Variants in CDK17 observed in about 807,000 individuals in gnomAD.
CDK17 encodes cyclin dependent kinase 17.
In CDK17, 24 loss-of-function variants were observed where a neutral mutation model predicts 77.6. That is an observed-to-expected ratio of 0.31 (90% CI 0.22 to 0.44). The LOEUF is 0.44. CDK17 is among the 20% of genes least tolerant of loss of function. CDK17 has a pLI of 1.00. For synonymous variants in CDK17, 203 were observed against 210.4 expected, an observed-to-expected ratio of 0.96 and a Z score of 0.30; for missense variants, 429 against 622.5, an observed-to-expected ratio of 0.69 and a Z score of 3.31.
At position 96,280,196 on chromosome 12, in the gene CDK17, T is replaced by C; in HGVS notation, c.*46A>G. On this transcript the variant is annotated 3_prime_UTR_variant, in exon 17 of 17. Transcript: ENST00000261211. ...ATTGCCTTCAGTTCTGAGTCCTTGA[T>C]TGGTAAGAAAGGCTGGGGGCTGGGC... 4 of 1,542,676 alleles carry C rather than the reference T, an allele frequency of 2.6e-6. No homozygotes were observed. Among genetic ancestry groups the C allele is most frequent in the East Asian group, 4.9e-5 (2 of 40,698 alleles).
In CDK17 at chr12:96,400,384, G is replaced by A; in HGVS notation, c.-428C>T. On this transcript the variant is annotated 5_prime_UTR_variant, in exon 1 of 17. Coordinates refer to ENST00000261211, the MANE Select transcript of CDK17 (RefSeq NM_002595.5). ...CCGCGGGGAGCTCAGGAGACTGCGG[G>A]CGGCCGCGTTCGCTCCTTGCGTGTG... 5.2e-6 allele frequency: 2 copies of A among 385,140 alleles called. No individual in the cohort carries two copies. Among genetic ancestry groups the A allele is most frequent in the East Asian group, 7.4e-5 (2 of 26,894 alleles). 23.9% of individuals were successfully genotyped at this position (385,140 alleles called of 1,614,324 possible).
In CDK17 at chr12:96,322,193, C is replaced by G. The variant is rs1190780286; in HGVS notation, c.283+1755G>C. Among the ~76,000 whole-genome samples, 7 of 152,254 alleles carry G rather than the reference C, an allele frequency of 4.6e-5. No homozygotes were observed. The East Asian group carries it at 1.2e-3, about 25-fold the overall frequency. On this transcript the variant is annotated intron_variant, in intron 3 of 16. Transcript: ENST00000261211. Reference sequence around the variant, plus strand: ...AATGATGGCTTGTCAGAACTTTACTCATCTGTCAAGGGGGGAAGAGGGATA... The same window carrying G: ...AATGATGGCTTGTCAGAACTTTACTGATCTGTCAAGGGGGGAAGAGGGATA...
chr12:96,371,059 G>A (rs930619115), intron 1 of CDK17, among the ~76,000 whole-genome samples: 7 of 152,042 alleles, frequency 4.6e-5, no homozygotes, highest in Admixed American at 2.6e-4. Flanking sequence ...GGGTTTCATC[G>A]TATTATAAAC....
chr12:96,285,982 C>T, intron 13 of CDK17, 61 bp downstream of exon 13: 1 of 813,966 alleles, frequency 1.2e-6, no homozygotes, highest in Non-Finnish European at 2.1e-6. Flanking sequence ...TGTGGCTAAT[C>T]CTTCAAAAGA....
intron 1 of CDK17, among the ~76,000 whole-genome samples, chr12:96,389,712 T>C (rs1954036366): frequency 6.6e-6 from 1 of 152,252 alleles, no homozygotes; most frequent in Non-Finnish European, 1.5e-5. Flanking sequence ...TGAAAATTCA[T>C]TTTAAATGTC....
intron 1 of CDK17, among the ~76,000 whole-genome samples, chr12:96,337,899 T>C (rs1054099667): frequency 1.3e-5 from 2 of 152,220 alleles, no homozygotes; most frequent in Non-Finnish European, 2.9e-5. Context: ...AGCACTAGTC[T>C]GTGAGAGGCT....
intron 4 of CDK17, 145 bp from the exon 5 acceptor site, chr12:96,311,322 A>AC: frequency 6.8e-6 from 4 of 589,276 alleles, no homozygotes; most frequent in Non-Finnish European, 1.1e-5. Flanking sequence ...GATTATATGT[A>AC]ATATACTCAT....
At chr12:96,391,875 G>A (rs1565849244) in intron 1 of CDK17, among the ~76,000 whole-genome samples, 4 of 152,182 alleles carry the variant, frequency 2.6e-5, no homozygotes, top group Admixed American at 2.6e-4. Flanking sequence ...CACCAAAACT[G>A]TATAGCTCCA....
chr12:96,395,162 C>T (rs1290244652), intron 1 of CDK17, among the ~76,000 whole-genome samples: 1 of 152,212 alleles, frequency 6.6e-6, no homozygotes, highest in Admixed American at 6.5e-5. Context: ...GCGTGAGCCA[C>T]CATGCCTCGC....
At chr12:96,313,738 GA>G (rs1952672939) in intron 3 of CDK17, among the ~76,000 whole-genome samples, 1 of 152,118 alleles carries the variant, frequency 6.6e-6, no homozygotes, top group Non-Finnish European at 1.5e-5. Context: ...ATATCTCTGA[GA>G]ATGAGCCAGT....
Position 96,296,630 on chromosome 12 carries a change from C to T in CDK17, c.873+640G>A, listed in dbSNP as rs146658033. Among the ~76,000 whole-genome samples, 344 of 152,264 alleles carry T rather than the reference C, an allele frequency of 2.3e-3. 6 individuals carry two copies. The East Asian group carries it at 0.039, about 17-fold the overall frequency. On this transcript the variant is annotated intron_variant, in intron 9 of 16. Transcript: ENST00000261211. ...AATAAATCTTTGCTAAATTTGGATA[C>T]ACTACTCAGGTCAAAGAAACCTACT...
At chr12:96,362,166 TAGTC>T (rs1953502490) in intron 1 of CDK17, among the ~76,000 whole-genome samples, 1 of 152,184 alleles carries the variant, frequency 6.6e-6, no homozygotes, top group African/African-American at 2.4e-5. Flanking sequence ...TTTTAAAACT[TAGTC>T]AAATAACTAA....
rs557724098 is a variant in CDK17, at chr12:96,289,437, T to C, written c.998-150A>G. On this transcript the variant is annotated intron_variant, in intron 10 of 16. Coordinates refer to ENST00000261211, the MANE Select transcript of CDK17 (RefSeq NM_002595.5). Reference sequence around the variant, plus strand: ...CACCACTATTAACTTTATGAATTCGTTGAGTGCATGTGGCCCTAAGTAAGC... The same window carrying C: ...CACCACTATTAACTTTATGAATTCGCTGAGTGCATGTGGCCCTAAGTAAGC... The C allele has an allele frequency of 4.1e-5, 32 of 782,830 alleles. No individual in the cohort carries two copies. In the African/African-American group the frequency reaches 5.4e-4, roughly 13 times the overall value. 48.5% of individuals were successfully genotyped at this position (782,830 alleles called of 1,614,324 possible).
intron 1 of CDK17, among the ~76,000 whole-genome samples, chr12:96,382,028 T>C (rs1429771599): frequency 6.6e-6 from 1 of 151,430 alleles, no homozygotes; most frequent in Non-Finnish European, 1.5e-5. Flanking sequence ...GTGGTACTGG[T>C]ACAACAGAGA....
intron 1 of CDK17, among the ~76,000 whole-genome samples, chr12:96,367,766 C>T (rs1339403371): frequency 6.6e-6 from 1 of 151,514 alleles, no homozygotes; most frequent in African/African-American, 2.4e-5. Context: ...CCTATAATCC[C>T]AGCACTTTGG....
chr12:96,367,443 C>T (rs897062133), intron 1 of CDK17, among the ~76,000 whole-genome samples: 14 of 149,712 alleles, frequency 9.4e-5, no homozygotes, highest in Non-Finnish European at 1.6e-4. Context: ...TGCTCACATT[C>T]TGAGCATTAG....
At chr12:96,382,121 G>A (rs915889825) in intron 1 of CDK17, among the ~76,000 whole-genome samples, 1 of 151,974 alleles carries the variant, frequency 6.6e-6, no homozygotes, top group Non-Finnish European at 1.5e-5. Context: ...AAAATGGTGT[G>A]GGCGGGTGGG....
intron 5 of CDK17, among the ~76,000 whole-genome samples, chr12:96,304,820 C>T (rs1282601158): frequency 6.6e-6 from 1 of 151,554 alleles, no homozygotes; most frequent in Admixed American, 6.6e-5. Flanking sequence ...CACATTCCAT[C>T]TTATATTTCT....
At chr12:96,293,878 T>G (rs562387021) in intron 10 of CDK17, among the ~76,000 whole-genome samples, 12 of 152,326 alleles carry the variant, frequency 7.9e-5, no homozygotes, top group African/African-American at 2.9e-4. Flanking sequence ...AGATCCAAAT[T>G]TCCAAACTCT....
Sources: gnomAD v4.1 joint callset for allele counts (sites outside exome capture counted in the v4.1 genomes callset) on GRCh38, gnomAD v4.1.1 for gene constraint, MANE v1.5 for transcripts, NCBI Gene and HGNC (gene_info 2026-07-23, HGNC 2026-07-21) for gene names.